The following AMN variants were observed in gnomAD, a reference collection of about 807,000 sequenced individuals.
AMN encodes the protein amnion associated transmembrane protein, also known as protein amnionless.
Under a neutral mutation model 49.1 loss-of-function variants are expected in AMN, and 40 were observed. That is an observed-to-expected ratio of 0.81 (90% CI 0.63 to 1.06). AMN has a LOEUF of 1.06. AMN is among the 50% of genes least tolerant of loss of function. The pLI is 0.00. For synonymous variants in AMN, 380 were observed against 313.3 expected (o/e 1.21, Z -2.25); for missense variants, 701 against 662.8 (o/e 1.06, Z -0.63).
At position 102,928,934 on chromosome 14, in the gene AMN, G is replaced by T; in HGVS notation, c.472G>T (p.Ala158Ser). 6.2e-7 allele frequency: 1 copy of T among 1,600,864 alleles called. No individual in the cohort carries two copies. Among genetic ancestry groups the T allele is most frequent in the Non-Finnish European group, 8.5e-7 (1 of 1,179,692 alleles). The stretch of plus-strand genomic sequence containing the variant: ...CTTCCGCGTGGGGCTCGGCCCTGGC[G>T]CTAGCCCCGTGCGTGTCCGCAGCAT... ...ASFRVGLGPG[A>S]SPVRVRSISA... Residue 158 changes from alanine (A) to serine (S), a missense_variant, in exon 5 of 12, where the codon GCT (alanine) becomes TCT (serine). Coordinates refer to ENST00000299155, the MANE Select transcript of AMN (RefSeq NM_030943.4).
Position 102,928,826 on chromosome 14 carries a change from G to A in AMN, c.364G>A (p.Asp122Asn). ...WHDPHLWRSG[D>N]EAPGLFFVDA... ...TGACCCGCACCTGTGGCGCTCTGGG[G>A]ACGAGGCACCTGGCCTCTTCTTCGT... Residue 122 changes from aspartate to asparagine, a missense_variant, in exon 5 of 12, where the codon GAC (aspartate) becomes AAC (asparagine). Asp to Asn is a conservative substitution (Grantham distance 23). Coordinates refer to ENST00000299155, the MANE Select transcript of AMN (RefSeq NM_030943.4). 1.2e-6 allele frequency: 2 copies of A among 1,607,042 alleles called. No individual in the cohort carries two copies. Among genetic ancestry groups the A allele is most frequent in the Non-Finnish European group, 1.7e-6 (2 of 1,179,850 alleles).
In AMN at chr14:102,928,973, C is replaced by CG; in HGVS notation, c.513+1dup. On this transcript the variant is annotated frameshift_variant and splice_region_variant, in exon 5 of 12. Coordinates refer to ENST00000299155, the MANE Select transcript of AMN (RefSeq NM_030943.4). LOFTEE classifies it high-confidence loss of function. ...TGTCCGCAGCATCTCGGCTCTGGGC[C>CG]GGGTGAGCACTGAGGGGAGGGAGGC... 3.1e-6 allele frequency: 5 copies of CG among 1,598,362 alleles called. No homozygotes were observed. Among genetic ancestry groups the CG allele is most frequent in the Non-Finnish European group, 4.2e-6 (5 of 1,179,358 alleles).
At position 102,930,158 on chromosome 14, in the gene AMN, G is replaced by T. The variant is rs1004857882; in HGVS notation, c.1007-7G>T. 1.3e-6 allele frequency: 2 copies of T among 1,490,902 alleles called. No individual in the cohort carries two copies. Among genetic ancestry groups the T allele is most frequent in the Non-Finnish European group, 1.8e-6 (2 of 1,127,108 alleles). 92.4% of individuals were successfully genotyped at this position (1,490,902 alleles called of 1,614,324 possible). ...CGGGGAAGACTGAGCCGGCCCCTCC[G>T]TCGCAGGCGAGGCCCTCGGCGTCCT... On this transcript the variant is annotated splice_region_variant and splice_polypyrimidine_tract_variant and intron_variant, in intron 9 of 11. Coordinates refer to ENST00000299155, the MANE Select transcript of AMN (RefSeq NM_030943.4).
rs924209069 is a variant in AMN at position 102,929,413 on chromosome 14, C to T, written c.652-15C>T. The T allele has an allele frequency of 1.3e-6, 2 of 1,529,590 alleles. No individual in the cohort carries two copies. Among genetic ancestry groups the T allele is most frequent in the African/African-American group, 2.8e-5 (2 of 72,448 alleles). 94.8% of individuals were successfully genotyped at this position (1,529,590 alleles called of 1,614,324 possible). ...CGCTCTGGCCCTCCGCGCTGACCAC[C>T]GCCCCTCGCACCAGGCGCAGCCGTG... On this transcript the variant is annotated splice_polypyrimidine_tract_variant and intron_variant, in intron 6 of 11. Transcript: ENST00000299155.
At chr14:102,923,086 G>C in intron 1 of AMN, 1 of 291,050 alleles carries the variant, frequency 3.4e-6, no homozygotes, top group Non-Finnish European at 6.5e-6. Context: ...TCGGCAGACC[G>C]CCTCAGCTTC....
chr14:102,927,674 G>T (rs1891217845), intron 3 of AMN, among the ~76,000 whole-genome samples: 1 of 152,218 alleles, frequency 6.6e-6, no homozygotes, highest in Admixed American at 6.5e-5. Flanking sequence ...TGGCAGCAAG[G>T]GTTGCCCTGG....
Position 102,930,667 on chromosome 14 carries a change from AGGC to A in AMN, c.1350_1352del (p.Glu450_Ala451delinsAsp). ...GTCAACCCTCTGTTCGCCGGGGCCG[AGGC>A]CGAGGCCTGAGCGGCCGCCTGACCG... On this transcript the variant is annotated inframe_deletion, in exon 12 of 12. Coordinates refer to ENST00000299155, the MANE Select transcript of AMN (RefSeq NM_030943.4). 1 of 1,575,248 alleles carries A rather than the reference AGGC, an allele frequency of 6.3e-7. No homozygotes were observed. The highest frequency in any genetic ancestry group is 8.6e-7 in the Non-Finnish European group (1 of 1,159,258).
intron 1 of AMN, 126 bp downstream of exon 1, chr14:102,922,857 T>C (rs1238049326): frequency 3.0e-5 from 40 of 1,351,710 alleles, no homozygotes; most frequent in Non-Finnish European, 3.8e-5. Context: ...TTTGGAGGGT[T>C]GGGGGCGTGA....
chr14:102,929,261 G>A lies in AMN; in HGVS notation c.651+3G>A. ...GCTGCGTCTGCGGCAACGCGGAGGTGAGCGAGGCCGCAGTGGAGTCGCGGG... is the reference window on the plus strand; with the variant it reads ...GCTGCGTCTGCGGCAACGCGGAGGTAAGCGAGGCCGCAGTGGAGTCGCGGG... On this transcript the variant is annotated splice_donor_region_variant and intron_variant, in intron 6 of 11. Transcript: ENST00000299155. The A allele has an allele frequency of 6.8e-7, 1 of 1,470,234 alleles. No homozygotes were observed. Among genetic ancestry groups the A allele is most frequent in the Non-Finnish European group, 8.9e-7 (1 of 1,122,124 alleles). The allele number at this position is 1,470,234 out of a possible 1,614,324, so 91.1% of individuals were successfully genotyped here.
chr14:102,927,261 T>A (rs1891208984), intron 3 of AMN, among the ~76,000 whole-genome samples: 4 of 152,338 alleles, frequency 2.6e-5, no homozygotes, highest in Admixed American at 2.6e-4. Flanking sequence ...TATTTTTAAA[T>A]TTTTTGTAGA....
chr14:102,928,356 T>C (rs904353866), intron 3 of AMN, 70 bp from the exon 4 acceptor site: 5 of 1,415,806 alleles, frequency 3.5e-6, no homozygotes, highest in Middle Eastern at 2.1e-4. Flanking sequence ...CCCAGGGGAC[T>C]GGGGGCGGGG....
chr14:102,929,460 G>T lies in AMN; in HGVS notation c.684G>T (p.Gln228His). ...AQPWICAALLQPLGGRCPQAA... is the reference protein window; with the variant it reads ...AQPWICAALLHPLGGRCPQAA... ...CGTGGATCTGCGCGGCCCTGCTCCA[G>T]CCCCTGGGCGGCCGCTGCCCCCAGG... The change falls in exon 7 of 12, where the codon CAG becomes CAT. Residue 228 changes from glutamine to histidine, a missense_variant. Gln to His is a conservative substitution (Grantham distance 24). Coordinates refer to ENST00000299155, the MANE Select transcript of AMN (RefSeq NM_030943.4). 1 of 1,531,278 alleles carries T rather than the reference G, an allele frequency of 6.5e-7. No homozygotes were observed. Among genetic ancestry groups the T allele is most frequent in the Non-Finnish European group, 8.7e-7 (1 of 1,145,162 alleles). 94.9% of individuals were successfully genotyped at this position (1,531,278 alleles called of 1,614,324 possible). A position where few individuals can be genotyped will look rare whatever the true frequency, so the allele number is the denominator to read the frequency against.
chr14:102,923,396 T>C (rs554510158), intron 1 of AMN: 1 of 415,964 alleles, frequency 2.4e-6, no homozygotes, highest in South Asian at 2.1e-5. Context: ...GTCACTGTCC[T>C]TAACAACGCT....
chr14:102,926,720 G>A (rs985000494), intron 3 of AMN, among the ~76,000 whole-genome samples: 4 of 151,306 alleles, frequency 2.6e-5, no homozygotes, highest in Non-Finnish European at 5.9e-5. Context: ...CCAAGTAGCT[G>A]AGACTACAGG....
At position 102,929,639 on chromosome 14, in the gene AMN, T is replaced by C. The variant is rs1367712594; in HGVS notation, c.761-16T>C. On this transcript the variant is annotated splice_polypyrimidine_tract_variant and intron_variant, in intron 7 of 11. Transcript: ENST00000299155. ...GGCCCGGATCCACGGCGCTGACCCC[T>C]GCCCTCCCGCCGCAGGAGCCGTTGT... 1.3e-6 allele frequency: 2 copies of C among 1,548,562 alleles called. No individual in the cohort carries two copies. The highest frequency in any genetic ancestry group is 1.7e-6 in the Non-Finnish European group (2 of 1,146,768).
At position 102,930,460 on chromosome 14, in the gene AMN, C is replaced by T; in HGVS notation, c.1224C>T (p.Asn408=). ...APAGAPLGFR[N]PVFDVTASEE... is the part of the protein sequence containing the mutation. ...CTGGAGCGCCCCTCGGCTTCCGCAACCCGGTGTTCGACGTGACGGCCTCCG... is the reference window on the plus strand; with the variant it reads ...CTGGAGCGCCCCTCGGCTTCCGCAATCCGGTGTTCGACGTGACGGCCTCCG... Residue 408 remains asparagine (N), a synonymous_variant, in exon 11 of 12, where the codon AAC becomes AAT. Transcript: ENST00000299155. 1.3e-6 allele frequency: 2 copies of T among 1,530,242 alleles called. No individual in the cohort carries two copies. Among genetic ancestry groups the T allele is most frequent in the Non-Finnish European group, 1.8e-6 (2 of 1,141,942 alleles). The allele number at this position is 1,530,242 out of a possible 1,614,324, so 94.8% of individuals were successfully genotyped here. A position where few individuals can be genotyped will look rare whatever the true frequency, so the allele number is the denominator to read the frequency against.
At chr14:102,926,184 CTG>C (rs1227328909) in intron 3 of AMN, among the ~76,000 whole-genome samples, 1 of 152,186 alleles carries the variant, frequency 6.6e-6, no homozygotes, top group Non-Finnish European at 1.5e-5. Context: ...TACCTTAGAA[CTG>C]TGTTTTTTCT....
rs758794765 is a variant in AMN, at chr14:102,922,679, C to T, written c.-10C>T. 3.8e-6 allele frequency: 6 copies of T among 1,599,086 alleles called. No homozygotes were observed. In the South Asian group the frequency reaches 4.5e-5, roughly 12 times the overall value. ...AAGTCTCCTGGTGGGGTGCAAGGAG[C>T]CGAGGCGAGATGGGCGTCCTGGGCC... On this transcript the variant is annotated 5_prime_UTR_variant, in exon 1 of 12. Transcript: ENST00000299155.
In AMN at chr14:102,929,487, C is replaced by A; in HGVS notation, c.711C>A (p.Ala237=). ...LQPLGGRCPQ[A]ACHSALRPQG... ...CCCTGGGCGGCCGCTGCCCCCAGGC[C>A]GCCTGCCACAGCGCCCTCCGGCCCC... The change falls in exon 7 of 12, where the codon GCC becomes GCA. Residue 237 remains alanine (A), a synonymous_variant. Coordinates refer to ENST00000299155, the MANE Select transcript of AMN (RefSeq NM_030943.4). The A allele has an allele frequency of 6.5e-7, 1 of 1,532,460 alleles. No individual in the cohort carries two copies. The allele number at this position is 1,532,460 out of a possible 1,614,324, so 94.9% of individuals were successfully genotyped here. A position where few individuals can be genotyped will look rare whatever the true frequency, so the allele number is the denominator to read the frequency against.
Sources: allele counts gnomAD v4.1 joint callset (sites outside exome capture counted in the v4.1 genomes callset), GRCh38; gene constraint gnomAD v4.1.1; transcripts MANE v1.5; gene names NCBI Gene and HGNC (gene_info 2026-07-23, HGNC 2026-07-21).